Variants in CAMK4 observed in about 807,000 individuals in gnomAD.
CAMK4 encodes calcium/calmodulin-dependent protein kinase type IV.
Under a neutral mutation model 44.9 loss-of-function variants are expected in CAMK4, and 22 were observed. That is an observed-to-expected ratio of 0.49 (90% CI 0.35 to 0.70). The LOEUF (loss-of-function observed/expected upper bound fraction) is 0.70. Among genes scored for constraint, CAMK4 ranks in the 30% least tolerant of loss-of-function variants. CAMK4 has a pLI of 0.01. For synonymous variants in CAMK4, 218 were observed against 215.4 expected (o/e 1.01, Z -0.11); for missense variants, 498 against 586.8 (o/e 0.85, Z 1.56).
intron 5 of CAMK4, among the ~76,000 whole-genome samples, chr5:111,412,991 A>G (rs1752682821): frequency 6.6e-6 from 1 of 152,184 alleles, no homozygotes; most frequent in Non-Finnish European, 1.5e-5. Flanking sequence ...CTGCTCTTCA[A>G]GAAGCAGTAA....
intron 4 of CAMK4, among the ~76,000 whole-genome samples, chr5:111,385,676 C>G (rs1312330047): frequency 2.0e-5 from 3 of 152,104 alleles, no homozygotes; most frequent in African/African-American, 7.2e-5. Context: ...CGGGTTCACT[C>G]CATTTTCCTG....
rs371956849 is a variant in CAMK4 at position 111,254,946 on chromosome 5, GA to G, written c.161+30305del. ...TGAGGCCCACATCAGATGCTGGGGG[GA>G]AATGTGAAGCACCTCATGGCAGTAG... On this transcript the variant is annotated intron_variant, in intron 1 of 10. Transcript: ENST00000282356. Among the ~76,000 whole-genome samples, 103 of 152,106 alleles carry G rather than the reference GA, an allele frequency of 6.8e-4. 1 individual carries two copies. In the East Asian group the frequency reaches 8.3e-3, roughly 12 times the overall value.
At position 111,485,845 on chromosome 5, in the gene CAMK4, C is replaced by T. The variant is rs1297807780; in HGVS notation, c.*1379C>T. 2 of 152,064 alleles carry T rather than the reference C, an allele frequency of 1.3e-5. No individual in the cohort carries two copies. The highest frequency in any genetic ancestry group is 4.8e-5 in the African/African-American group (2 of 41,404). The allele number at this position is 152,064 out of a possible 1,614,324, so 9.4% of individuals were successfully genotyped here. On this transcript the variant is annotated 3_prime_UTR_variant, in exon 11 of 11. Coordinates refer to ENST00000282356, the MANE Select transcript of CAMK4 (RefSeq NM_001744.6). ...TTGACTTTCATAGAAACACTTTCCC[C>T]TTATAGAAATTGCACTATCTCCAAT... is the stretch of plus-strand genomic sequence containing the variant.
chr5:111,432,748 C>G (rs914342454), intron 5 of CAMK4, among the ~76,000 whole-genome samples: 2 of 150,872 alleles, frequency 1.3e-5, no homozygotes, highest in Non-Finnish European at 3.0e-5. Flanking sequence ...CAAATTCTAG[C>G]CATTCCTTGG....
intron 2 of CAMK4, among the ~76,000 whole-genome samples, chr5:111,368,586 A>G (rs181916724): frequency 4.6e-5 from 7 of 152,258 alleles, no homozygotes; most frequent in Admixed American, 6.5e-5. Context: ...GGTGACCCTC[A>G]GCTTATCCTT....
At position 111,424,513 on chromosome 5, in the gene CAMK4, C is replaced by A. The variant is rs572554463; in HGVS notation, c.460-22173C>A. On this transcript the variant is annotated intron_variant, in intron 5 of 10. Transcript: ENST00000282356. ...AGGCTGGAGTGCAGTGGTGTGATCT[C>A]GGCTCACTGCAAGCTCCGCCTCCTG... Among the ~76,000 whole-genome samples, 4 of 124,422 alleles carry A rather than the reference C, an allele frequency of 3.2e-5. No individual in the cohort carries two copies. In the South Asian group the frequency reaches 1.1e-3, roughly 33 times the overall value. The allele number at this position is 124,422 out of a possible 152,430, so 81.6% of individuals were successfully genotyped here. A position where few individuals can be genotyped will look rare whatever the true frequency, so the allele number is the denominator to read the frequency against.
intron 1 of CAMK4, among the ~76,000 whole-genome samples, chr5:111,225,737 C>T (rs1378342194): frequency 2.6e-5 from 4 of 152,160 alleles, no homozygotes; most frequent in Non-Finnish European, 4.4e-5. Context: ...ATGTAATGAT[C>T]ACTGCCCACT....
chr5:111,271,075 G>A (rs1014327894), intron 1 of CAMK4, among the ~76,000 whole-genome samples: 1 of 152,028 alleles, frequency 6.6e-6, no homozygotes, highest in African/African-American at 2.4e-5. Flanking sequence ...GAACAGCATG[G>A]GGGAAACCAC....
intron 5 of CAMK4, among the ~76,000 whole-genome samples, chr5:111,404,179 CTT>C (rs1469366626): frequency 6.6e-6 from 1 of 152,202 alleles, no homozygotes; most frequent in Admixed American, 6.6e-5. Flanking sequence ...TGAAGACAGT[CTT>C]AACATATGCA....
chr5:111,439,298 T>C (rs926994785), intron 5 of CAMK4, among the ~76,000 whole-genome samples: 7 of 151,962 alleles, frequency 4.6e-5, no homozygotes, highest in African/African-American at 1.5e-4. Flanking sequence ...ATGCTGGAAA[T>C]TGGGAAGCTG....
chr5:111,352,572 G>A (rs1405146591), intron 2 of CAMK4, among the ~76,000 whole-genome samples: 1 of 147,206 alleles, frequency 6.8e-6, no homozygotes, highest in Non-Finnish European at 1.5e-5. Flanking sequence ...AGGCTGAGAA[G>A]TCCAAAATCA....
In CAMK4 at chr5:111,228,274, T is replaced by A. The variant is rs115352430; in HGVS notation, c.161+3630T>A. Among the ~76,000 whole-genome samples the A allele has an allele frequency of 3.5e-3, 527 of 152,264 alleles. 2 individuals are homozygous for A. The highest frequency in any genetic ancestry group is 0.012 in the African/African-American group (483 of 41,538). ...TTTTGGAACCTTTTTTTTCTTTAAA[T>A]TTAGTTCCCATTCCACTTACTGTAG... On this transcript the variant is annotated intron_variant, in intron 1 of 10. Transcript: ENST00000282356.
intron 1 of CAMK4, among the ~76,000 whole-genome samples, chr5:111,300,730 G>A (rs776732341): frequency 1.3e-5 from 2 of 152,098 alleles, no homozygotes; most frequent in African/African-American, 2.4e-5. Context: ...ATTGGCTGGA[G>A]AGAGATGTTA....
At chr5:111,223,796 C>T (rs1211342195), upstream of CAMK4, 1 of 152,666 alleles carries the variant, frequency 6.6e-6, no homozygotes, top group Non-Finnish European at 1.5e-5. The surrounding 1 kb of genome is among the most constrained non-coding windows in gnomAD (Gnocchi z 4.3). Flanking sequence ...TCGGCGACCA[C>T]AGTACTCCCT....
chr5:111,354,358 CA>C (rs1421373963), intron 2 of CAMK4, among the ~76,000 whole-genome samples: 1 of 149,420 alleles, frequency 6.7e-6, no homozygotes, highest in African/African-American at 2.5e-5. Context: ...TTCCAAAGAT[CA>C]AATGTATAGT....
At chr5:111,353,079 A>C (rs182073180) in intron 2 of CAMK4, among the ~76,000 whole-genome samples, 233 of 152,244 alleles carry the variant, frequency 1.5e-3, no homozygotes, top group African/African-American at 5.4e-3. Flanking sequence ...GGTTGGAGGT[A>C]ATGCACAGAG....
chr5:111,446,835 G>A (rs1754047101), intron 6 of CAMK4, 59 bp downstream of exon 6: 1 of 1,020,816 alleles, frequency 9.8e-7, no homozygotes, highest in Non-Finnish European at 1.6e-6. Context: ...AAATTTTACT[G>A]TGTGGAATTT....
intron 2 of CAMK4, among the ~76,000 whole-genome samples, chr5:111,349,099 G>A (rs1749986742): frequency 6.6e-6 from 1 of 151,926 alleles, no homozygotes; most frequent in Non-Finnish European, 1.5e-5. Context: ...TGGGTTGTTT[G>A]TTTCCTTTTT....
At chr5:111,414,773 A>G (rs145587716) in intron 5 of CAMK4, among the ~76,000 whole-genome samples, 2 of 152,344 alleles carry the variant, frequency 1.3e-5, no homozygotes, top group Non-Finnish European at 2.9e-5. Flanking sequence ...TGTTTATATT[A>G]GTACTAAAAT....
Sources: gnomAD v4.1 joint callset for allele counts (sites outside exome capture counted in the v4.1 genomes callset) on GRCh38, gnomAD v4.1.1 for gene constraint, Gnocchi (gnomAD v3.1) non-coding constraint, MANE v1.5 for transcripts, NCBI Gene and HGNC (gene_info 2026-07-23, HGNC 2026-07-21) for gene names.